Variants in CTNNB1 observed in about 807,000 individuals in gnomAD.
CTNNB1 encodes the protein catenin beta 1, also known as catenin beta-1.
CTNNB1 carries 6 observed loss-of-function variants against 82.5 expected under a neutral mutation model. The ratio of observed to expected loss-of-function variants is 0.07; its 90% confidence interval spans 0.04 to 0.14. CTNNB1 has a LOEUF of 0.14. Ranked by LOEUF, CTNNB1 falls within the 10% of genes least tolerant of loss-of-function variation. The pLI, the probability that CTNNB1 is intolerant of heterozygous loss-of-function variation, is 1.00. For missense variants in CTNNB1, 529 were observed against 980.4 expected (o/e 0.54, Z 6.15); for synonymous variants, 312 against 329.7 (o/e 0.95, Z 0.58).
chr3:41,227,728 TTTTTG>T (rs201402186), intron 7 of CTNNB1, among the ~76,000 whole-genome samples: 3,464 of 152,208 alleles, frequency 0.023, 57 homozygotes, highest in South Asian at 0.05. Context: ...TCATGAGCAG[TTTTTG>T]TTTTGTTTTA....
intron 1 of CTNNB1, among the ~76,000 whole-genome samples, chr3:41,214,372 C>T (rs188813214): frequency 8.7e-4 from 128 of 146,596 alleles, no homozygotes; most frequent in Admixed American, 7.2e-3. Flanking sequence ...AGGGGACCTT[C>T]AAGCCTGTAG....
chr3:41,217,592 A>G (rs2125605290), intron 1 of CTNNB1, among the ~76,000 whole-genome samples: 1 of 152,308 alleles, frequency 6.6e-6, no homozygotes. Context: ...CACAGAATAC[A>G]TTTCTGTTAT....
chr3:41,206,815 G>C (rs1321519850), intron 1 of CTNNB1, among the ~76,000 whole-genome samples: 1 of 152,058 alleles, frequency 6.6e-6, no homozygotes, highest in African/African-American at 2.4e-5. Context: ...TCATTCCCCT[G>C]TGTAGGAAAG....
intron 12 of CTNNB1, 37 bp from the exon 13 acceptor site, chr3:41,236,551 G>A: frequency 6.2e-7 from 1 of 1,614,170 alleles, no homozygotes; most frequent in Non-Finnish European, 8.5e-7. Context: ...TGAAGTCTCA[G>A]TTTTTCCTCA....
In CTNNB1 at chr3:41,227,494, A is replaced by G. The variant is rs973321533; in HGVS notation, c.1081+142A>G. Reference sequence around the variant, plus strand: ...GTTTGCAGCCAAGATTTACATTCAGAGTACCTGTCATCTGGATTGTAGCTA... The same window carrying G: ...GTTTGCAGCCAAGATTTACATTCAGGGTACCTGTCATCTGGATTGTAGCTA... On this transcript the variant is annotated intron_variant, in intron 7 of 14. Coordinates refer to ENST00000349496, the MANE Select transcript of CTNNB1 (RefSeq NM_001904.4). The G allele has an allele frequency of 2.0e-5, 17 of 831,712 alleles. No individual in the cohort carries two copies. The African/African-American group carries it at 2.2e-4, about 11-fold the overall frequency. 51.5% of individuals were successfully genotyped at this position (831,712 alleles called of 1,614,324 possible). A position where few individuals can be genotyped will look rare whatever the true frequency, so the allele number is the denominator to read the frequency against.
intron 1 of CTNNB1, among the ~76,000 whole-genome samples, chr3:41,212,381 C>T (rs1236380453): frequency 6.6e-6 from 1 of 152,076 alleles, no homozygotes; most frequent in Non-Finnish European, 1.5e-5. Context: ...GAAAGATGTC[C>T]TATGTATATG....
Position 41,239,185 on chromosome 3 carries a change from G to A in CTNNB1, c.2189G>A (p.Gly730Asp), listed in dbSNP as rs2078513943. 2.5e-6 allele frequency: 4 copies of A among 1,614,008 alleles called. No homozygotes were observed. The highest frequency in any genetic ancestry group is 3.4e-6 in the Non-Finnish European group (4 of 1,180,014). ...GGTGGATATGGCCAGGATGCCTTGG[G>A]TATGGACCCCATGATGGAACATGAG... Reference protein sequence around the residue: ...HSGGYGQDALGMDPMMEHEMG... With the variant: ...HSGGYGQDALDMDPMMEHEMG... The change falls in exon 15 of 15, where the codon GGT becomes GAT. Residue 730 changes from glycine to aspartate, a missense_variant. This residue lies in a region of CTNNB1 where 102 missense variants were observed against 130.8 expected (regional missense o/e 0.78). Coordinates refer to ENST00000349496, the MANE Select transcript of CTNNB1 (RefSeq NM_001904.4).
At chr3:41,202,248 G>C (rs1164255524) in intron 1 of CTNNB1, among the ~76,000 whole-genome samples, 1 of 152,128 alleles carries the variant, frequency 6.6e-6, no homozygotes, top group East Asian at 1.9e-4. Flanking sequence ...TGGTTTCCTA[G>C]CTTCTGATAA....
Position 41,236,018 on chromosome 3 carries a change from G to A in CTNNB1, c.1803+175G>A, listed in dbSNP as rs1428967187. On this transcript the variant is annotated intron_variant, in intron 11 of 14. Transcript: ENST00000349496. Reference sequence around the variant, plus strand: ...AACATTGAGACTTGAGAAGAGGGAGGAGATTTCACATTTCACTTTTATGGG... The same window carrying A: ...AACATTGAGACTTGAGAAGAGGGAGAAGATTTCACATTTCACTTTTATGGG... The A allele has an allele frequency of 1.3e-5, 11 of 828,884 alleles. 1 individual carries two copies. Among genetic ancestry groups the A allele is most frequent in the Non-Finnish European group, 2.1e-5 (11 of 511,646 alleles). The allele number at this position is 828,884 out of a possible 1,614,324, so 51.3% of individuals were successfully genotyped here. A position where few individuals can be genotyped will look rare whatever the true frequency, so the allele number is the denominator to read the frequency against.
chr3:41,199,509 C>T lies in CTNNB1; in HGVS notation c.-210C>T, dbSNP rs985740075. 3 of 152,562 alleles carry T rather than the reference C, an allele frequency of 2.0e-5. No homozygotes were observed. Among genetic ancestry groups the T allele is most frequent in the African/African-American group, 4.8e-5 (2 of 41,424 alleles). The allele number at this position is 152,562 out of a possible 1,614,324, so 9.5% of individuals were successfully genotyped here. A position where few individuals can be genotyped will look rare whatever the true frequency, so the allele number is the denominator to read the frequency against. Reference sequence around the variant, plus strand: ...CTCCTTGTGCGGCGCCATTTTAAGCCTCTCGGTCTGTGGCAGCAGCGTTGG... The same window carrying T: ...CTCCTTGTGCGGCGCCATTTTAAGCTTCTCGGTCTGTGGCAGCAGCGTTGG... On this transcript the variant is annotated 5_prime_UTR_variant, in exon 1 of 15. Transcript: ENST00000349496.
intron 1 of CTNNB1, among the ~76,000 whole-genome samples, chr3:41,206,035 T>C (rs2077640735): frequency 6.6e-6 from 1 of 152,158 alleles, no homozygotes. Context: ...AGTGTGAACA[T>C]CTGAATGATG....
In CTNNB1 at chr3:41,236,304, T is replaced by C. The variant is rs768809817; in HGVS notation, c.1804-45T>C. 6.8e-6 allele frequency: 11 copies of C among 1,612,890 alleles called. No individual in the cohort carries two copies. In the Admixed American group the frequency reaches 1.8e-4, roughly 27 times the overall value. On this transcript the variant is annotated intron_variant, in intron 11 of 14. Transcript: ENST00000349496. ...CACCACAGTGGGGGGCTTGCCATGT[T>C]TTAGCTTTAGATTTAATTAGGTTTT...
intron 7 of CTNNB1, among the ~76,000 whole-genome samples, chr3:41,229,566 A>C (rs1175364161): frequency 6.6e-6 from 1 of 152,094 alleles, no homozygotes; most frequent in Non-Finnish European, 1.5e-5. Context: ...TTATATCCTG[A>C]AACTTTGCTG....
chr3:41,213,436 T>C (rs555759059), intron 1 of CTNNB1, among the ~76,000 whole-genome samples: 1 of 152,352 alleles, frequency 6.6e-6, no homozygotes, highest in African/African-American at 2.4e-5. Context: ...TTACATACTT[T>C]TTTGTAATTG....
chr3:41,211,828 A>G (rs2077796370), intron 1 of CTNNB1, among the ~76,000 whole-genome samples: 1 of 152,068 alleles, frequency 6.6e-6, no homozygotes, highest in Non-Finnish European at 1.5e-5. Context: ...TTTTGCCTAT[A>G]TTATTGGAAA....
At chr3:41,229,876 CTGTGTGTGTG>C (rs58153157) in intron 7 of CTNNB1, among the ~76,000 whole-genome samples, 20 of 147,230 alleles carry the variant, frequency 1.4e-4, no homozygotes, top group South Asian at 8.8e-4. Flanking sequence ...CTCTTGGGTT[CTGTGTGTGTG>C]TGTGTGTGTG....
At chr3:41,208,864 ATCCCATTACAAAAAAAATTTTTTC>A (rs2077711540) in intron 1 of CTNNB1, among the ~76,000 whole-genome samples, 1 of 152,100 alleles carries the variant, frequency 6.6e-6, no homozygotes, top group African/African-American at 2.4e-5. Flanking sequence ...ACATGGTATT[ATCCCATTACAAAAAAAATTTTTTC>A]TCCGTCTCTC....
At position 41,225,910 on chromosome 3, in the gene CTNNB1, C is replaced by T; in HGVS notation, c.936+49C>T. On this transcript the variant is annotated intron_variant, in intron 6 of 14. Coordinates refer to ENST00000349496, the MANE Select transcript of CTNNB1 (RefSeq NM_001904.4). The surrounding 1 kb of genome is among the most constrained non-coding windows in gnomAD (Gnocchi z 5.3). ...GTTTTCATGGAGCATTGGACACCTCCAGTGTCATGTCATTCCATGCAGTGT... is the reference window on the plus strand; with the variant it reads ...GTTTTCATGGAGCATTGGACACCTCTAGTGTCATGTCATTCCATGCAGTGT... The T allele has an allele frequency of 6.6e-7, 1 of 1,519,554 alleles. No homozygotes were observed. The highest frequency in any genetic ancestry group is 9.1e-7 in the Non-Finnish European group (1 of 1,099,656). The allele number at this position is 1,519,554 out of a possible 1,614,324, so 94.1% of individuals were successfully genotyped here. A position where few individuals can be genotyped will look rare whatever the true frequency, so the allele number is the denominator to read the frequency against.
chr3:41,237,146 T>C, intron 13 of CTNNB1: 1 of 239,506 alleles, frequency 4.2e-6, no homozygotes, highest in Admixed American at 5.1e-5. Flanking sequence ...GAAACATTGT[T>C]TCTAATAAAA....
Sources: gnomAD v4.1 joint callset for allele counts (sites outside exome capture counted in the v4.1 genomes callset) on GRCh38, gnomAD v4.1.1 for gene constraint, gnomAD v4.1.1 regional missense constraint, Gnocchi (gnomAD v3.1) non-coding constraint, MANE v1.5 for transcripts, NCBI Gene and HGNC (gene_info 2026-07-23, HGNC 2026-07-21) for gene names.